Variants in PBX1 observed in about 807,000 individuals in gnomAD.
PBX1 encodes the protein PBX homeobox 1, also known as pre-B-cell leukemia transcription factor 1.
A neutral mutation model predicts 53.4 loss-of-function variants in PBX1; 6 were observed. That is an observed-to-expected ratio of 0.11 (90% CI 0.06 to 0.22). The LOEUF is 0.22. PBX1 is among the 10% of genes least tolerant of loss of function. The pLI is 1.00. For synonymous variants in PBX1, 204 were observed against 212.3 expected, an observed-to-expected ratio of 0.96 and a Z score of 0.34; for missense variants, 251 against 551.4, an observed-to-expected ratio of 0.46 and a Z score of 5.46.
intron 2 of PBX1, among the ~76,000 whole-genome samples, chr1:164,664,260 A>C (rs925499719): frequency 6.6e-6 from 1 of 152,158 alleles, no homozygotes; most frequent in African/African-American, 2.4e-5. Flanking sequence ...GACCATGTCT[A>C]GGTGTCTTGA....
At chr1:164,869,785 T>C (rs920728741) in intron 2 of PBX1, among the ~76,000 whole-genome samples, 5 of 152,232 alleles carry the variant, frequency 3.3e-5, no homozygotes, top group African/African-American at 1.2e-4. Context: ...TTTAGTCAGT[T>C]TGGCCTCACT....
At position 164,619,552 on chromosome 1, in the gene PBX1, C is replaced by T. The variant is rs143007051; in HGVS notation, c.265+56241C>T. 2.8e-4 allele frequency among the ~76,000 whole-genome samples: 42 copies of T among 152,212 alleles called. 1 individual carries two copies. The highest frequency in any genetic ancestry group is 5.1e-4 in the Non-Finnish European group (35 of 68,018). ...ACCTTTGAAAAATTAACTCCTACAC[C>T]ATCTTAGTCCTTGGTACAAAGCCTA... On this transcript the variant is annotated intron_variant, in intron 2 of 8. Transcript: ENST00000420696.
At chr1:164,620,854 T>A (rs1005754052) in intron 2 of PBX1, among the ~76,000 whole-genome samples, 1 of 151,898 alleles carries the variant, frequency 6.6e-6, no homozygotes, top group African/African-American at 2.4e-5. Flanking sequence ...AGCTAATTTT[T>A]ATATTTTGAT....
rs114993743 is a variant in PBX1 at position 164,607,110 on chromosome 1, T to C, written c.265+43799T>C. Among the ~76,000 whole-genome samples the C allele has an allele frequency of 8.0e-3, 1,217 of 152,176 alleles. 12 individuals carry two copies. The highest frequency in any genetic ancestry group is 0.028 in the African/African-American group (1,158 of 41,524). Reference sequence around the variant, plus strand: ...CATAACAGGAGTAAGTAGATTGGGGTCAGATTATGCCAGGCGAGGAATTTT... The same window carrying C: ...CATAACAGGAGTAAGTAGATTGGGGCCAGATTATGCCAGGCGAGGAATTTT... On this transcript the variant is annotated intron_variant, in intron 2 of 8. Coordinates refer to ENST00000420696, the MANE Select transcript of PBX1 (RefSeq NM_002585.4).
intron 5 of PBX1, among the ~76,000 whole-genome samples, chr1:164,809,589 A>C (rs1669510346): frequency 6.6e-6 from 1 of 152,238 alleles, no homozygotes; most frequent in Admixed American, 6.5e-5. Context: ...CCATTTACTA[A>C]TCATGGTTTG....
At chr1:164,702,699 G>A (rs1436549166) in intron 2 of PBX1, among the ~76,000 whole-genome samples, 1 of 147,578 alleles carries the variant, frequency 6.8e-6, no homozygotes, top group African/African-American at 2.5e-5. Context: ...GGAGGTGGTT[G>A]GGGGATGGAG....
At chr1:164,861,576 C>T (rs1204551557) in intron 2 of PBX1, among the ~76,000 whole-genome samples, 4 of 152,062 alleles carry the variant, frequency 2.6e-5, no homozygotes, top group Non-Finnish European at 5.9e-5. Flanking sequence ...TGTCTGTTGT[C>T]AGGGATCTTA....
At chr1:164,782,432 T>C (rs1558004959) in intron 2 of PBX1, among the ~76,000 whole-genome samples, 2 of 152,184 alleles carry the variant, frequency 1.3e-5, no homozygotes, top group Admixed American at 1.3e-4. Flanking sequence ...TGTATCATAT[T>C]ATCAGTGGTA....
rs1558053826 is a variant in PBX1, at chr1:164,870,333, CTTTCTTTCTTTCTTTCTTTCTTT to C, written n.258-28854_258-28832del. Among the ~76,000 whole-genome samples, 243 of 105,198 alleles carry C rather than the reference CTTTCTTTCTTTCTTTCTTTCTTT, an allele frequency of 2.3e-3. 9 individuals are homozygous for C. The highest frequency in any genetic ancestry group is 4.3e-3 in the Middle Eastern group (1 of 234). The allele number at this position is 105,198 out of a possible 152,430, so 69.0% of individuals were successfully genotyped here. On this transcript the variant is annotated intron_variant and non_coding_transcript_variant, in intron 2 of 2. Coordinates refer to the PBX1 transcript ENST00000558796. ...TCTTTCTTTCTTTCTTTCTTTCTTT[CTTTCTTTCTTTCTTTCTTTCTTT>C]CTTTCGAGATGAAGTCTTGCTCTGT...
chr1:164,667,520 G>A (rs967755923), intron 2 of PBX1, among the ~76,000 whole-genome samples: 30 of 152,166 alleles, frequency 2.0e-4, no homozygotes, highest in Admixed American at 2.0e-3. Flanking sequence ...GGACATTTGG[G>A]TCAAGACCAG....
At chr1:164,751,507 A>G (rs1176776445) in intron 2 of PBX1, among the ~76,000 whole-genome samples, 2 of 151,752 alleles carry the variant, frequency 1.3e-5, no homozygotes, top group Non-Finnish European at 2.9e-5. Context: ...TCTTCTCACT[A>G]ATATATTTGT....
chr1:164,882,841 CATGCT>C (rs200106119), intron 2 of PBX1, among the ~76,000 whole-genome samples: 6 of 152,070 alleles, frequency 3.9e-5, no homozygotes, highest in African/African-American at 7.2e-5. Context: ...AAATATGATA[CATGCT>C]ATGCTATGCT....
intron 2 of PBX1, among the ~76,000 whole-genome samples, chr1:164,590,166 C>CGTG (rs1449259036): frequency 6.6e-6 from 1 of 151,144 alleles, no homozygotes; most frequent in African/African-American, 2.4e-5. Context: ...GAGCCGTGAT[C>CGTG]GTGCTGCTGT....
intron 2 of PBX1, among the ~76,000 whole-genome samples, chr1:164,718,592 A>C (rs1664242609): frequency 6.6e-6 from 1 of 152,218 alleles, no homozygotes. Flanking sequence ...TTCACCTGGC[A>C]ATGACATAGA....
intron 6 of PBX1, chr1:164,817,362 C>T (rs1267840918): frequency 6.6e-6 from 1 of 152,210 alleles, no homozygotes; most frequent in African/African-American, 2.4e-5. Context: ...GGGTAGAGAA[C>T]ATGTCCTCCC....
chr1:164,846,796 A>T lies in PBX1; in HGVS notation c.*120A>T, dbSNP rs1558042949. The T allele has an allele frequency of 3.8e-6, 6 of 1,563,368 alleles. No individual in the cohort carries two copies. The highest frequency in any genetic ancestry group is 2.6e-6 in the Non-Finnish European group (3 of 1,154,830). ...GAGGTCGAAGCAATCAGCAAACACA[A>T]TAAGAGTCTCCTTCTCTTCTCTTCT... On this transcript the variant is annotated 3_prime_UTR_variant, in exon 9 of 9. Coordinates refer to ENST00000420696, the MANE Select transcript of PBX1 (RefSeq NM_002585.4).
At chr1:164,841,084 C>T (rs1008953575) in intron 8 of PBX1, among the ~76,000 whole-genome samples, 4 of 152,086 alleles carry the variant, frequency 2.6e-5, no homozygotes, top group Admixed American at 6.6e-5. Flanking sequence ...TAGGTGAAAC[C>T]GACGTGTGAA....
intron 2 of PBX1, among the ~76,000 whole-genome samples, chr1:164,687,868 T>C (rs1662215080): frequency 6.6e-6 from 1 of 152,226 alleles, no homozygotes; most frequent in South Asian, 2.1e-4. Flanking sequence ...GAAATAACTT[T>C]GATAAGAACC....
intron 8 of PBX1, among the ~76,000 whole-genome samples, chr1:164,843,355 G>T (rs1671399215): frequency 6.6e-6 from 1 of 152,176 alleles, no homozygotes; most frequent in Non-Finnish European, 1.5e-5. Flanking sequence ...TAAATTTGGT[G>T]AGAAGTGGGA....
Sources: gnomAD v4.1 joint callset for allele counts (sites outside exome capture counted in the v4.1 genomes callset) on GRCh38, gnomAD v4.1.1 for gene constraint, MANE v1.5 for transcripts, NCBI Gene and HGNC (gene_info 2026-07-23, HGNC 2026-07-21) for gene names.